The following SEC23IP variants were observed in gnomAD, a reference collection of about 807,000 sequenced individuals.
SEC23IP encodes the protein SEC23-interacting protein.
A neutral mutation model predicts 113.4 loss-of-function variants in SEC23IP; 70 were observed. The ratio of observed to expected loss-of-function variants is 0.62; its 90% CI spans 0.51 to 0.75. SEC23IP has a LOEUF of 0.75. SEC23IP is among the 30% of genes least tolerant of loss of function. SEC23IP has a pLI of 0.00. For missense variants in SEC23IP, 1,160 were observed against 1,204.9 expected (o/e 0.96, Z 0.55); for synonymous variants, 398 against 421.0 (o/e 0.95, Z 0.67).
At position 119,915,828 on chromosome 10, in the gene SEC23IP, G is replaced by A; in HGVS notation, c.1483G>A (p.Val495Met). 6.2e-7 allele frequency: 1 copy of A among 1,604,126 alleles called. No individual in the cohort carries two copies. Among genetic ancestry groups the A allele is most frequent in the South Asian group, 1.1e-5 (1 of 88,760 alleles). The change falls in exon 8 of 19, where the codon GTG (valine) becomes ATG (methionine). Residue 495 changes from valine (V) to methionine (M), a missense_variant. Coordinates refer to ENST00000369075, the MANE Select transcript of SEC23IP (RefSeq NM_007190.4). ...TTTAGATGACGGGAAAGTAAGCAGA[G>A]TGGAGTTCCTTCCAGTTCATTGGCA... ...KSLDDGKVSR[V>M]EFLPVHWHSS...
intron 17 of SEC23IP, 123 bp downstream of exon 17, chr10:119,933,290 A>T: frequency 1.2e-6 from 1 of 844,634 alleles, no homozygotes; most frequent in Non-Finnish European, 1.9e-6. Flanking sequence ...TTGAATTACT[A>T]TATGTTCAGA....
chr10:119,912,249 G>A, intron 6 of SEC23IP, 85 bp downstream of exon 6: 1 of 1,406,072 alleles, frequency 7.1e-7, no homozygotes, highest in Non-Finnish European at 9.7e-7. Flanking sequence ...GAAATAAACA[G>A]TTATTAGAAT....
intron 4 of SEC23IP, among the ~76,000 whole-genome samples, chr10:119,907,844 C>T (rs1050616720): frequency 3.9e-5 from 6 of 152,012 alleles, no homozygotes; most frequent in Admixed American, 2.0e-4. Context: ...GCCAGTTACT[C>T]GGGAGGCTGA....
chr10:119,898,855 C>T lies in SEC23IP; in HGVS notation c.592C>T (p.Pro198Ser), dbSNP rs201822611. ...CAGCAGGGCTAATCCTTACATTGCA[C>T]CACCCCAGCTGCAGCAGTGCCAAAC... ...GSSRANPYIA[P>S]PQLQQCQTPG... Residue 198 changes from proline (P) to serine (S), a missense_variant, in exon 2 of 19, where the codon CCA (proline) becomes TCA (serine). Coordinates refer to ENST00000369075, the MANE Select transcript of SEC23IP (RefSeq NM_007190.4). 3.1e-6 allele frequency: 5 copies of T among 1,611,998 alleles called. No individual in the cohort carries two copies. In the South Asian group the frequency reaches 5.5e-5, roughly 18 times the overall value.
rs1589857933 is a variant in SEC23IP at position 119,942,418 on chromosome 10, A to T, written c.*1853A>T. ...AAACCAAAAAACAGTAGATCCCCTG[A>T]GGGTAGAGTCTTTATGTATGAACAT... On this transcript the variant is annotated 3_prime_UTR_variant, in exon 19 of 19. Coordinates refer to ENST00000369075, the MANE Select transcript of SEC23IP (RefSeq NM_007190.4). The T allele has an allele frequency of 6.6e-6, 1 of 152,276 alleles. No individual in the cohort carries two copies. Among genetic ancestry groups the T allele is most frequent in the East Asian group, 1.9e-4 (1 of 5,184 alleles). 9.4% of individuals were successfully genotyped at this position (152,276 alleles called of 1,614,324 possible).
At chr10:119,930,276 A>G in intron 14 of SEC23IP, 53 bp from the exon 15 acceptor site, 1 of 1,161,274 alleles carries the variant, frequency 8.6e-7, no homozygotes, top group South Asian at 1.5e-5. Flanking sequence ...CATATAACTC[A>G]AAACAGCTTT....
chr10:119,922,460 C>T lies in SEC23IP; in HGVS notation c.2121+1476C>T, dbSNP rs182159718. Among the ~76,000 whole-genome samples, 41 of 152,274 alleles carry T rather than the reference C, an allele frequency of 2.7e-4. No individual in the cohort carries two copies. In the East Asian group the frequency reaches 7.9e-3, roughly 29 times the overall value. On this transcript the variant is annotated intron_variant, in intron 12 of 18. Transcript: ENST00000369075. ...CAAAATGCTGACCTGCTTATTCTAT[C>T]ACAAGTTATGATTTAGCACCAAATC...
In SEC23IP at chr10:119,931,604, G is replaced by A. The variant is rs186434687; in HGVS notation, c.2573-529G>A. On this transcript the variant is annotated intron_variant, in intron 15 of 18. Coordinates refer to ENST00000369075, the MANE Select transcript of SEC23IP (RefSeq NM_007190.4). ...GTCTTGCTCTGTTGCCCAGGCTGGA[G>A]TGCAGTGGCACAATCTTGGCTCACT... Among the ~76,000 whole-genome samples, 394 of 150,758 alleles carry A rather than the reference G, an allele frequency of 2.6e-3. 4 individuals are homozygous for A. The highest frequency in any genetic ancestry group is 9.4e-3 in the African/African-American group (386 of 40,966).
intron 12 of SEC23IP, among the ~76,000 whole-genome samples, chr10:119,923,617 C>A (rs554642141): frequency 6.6e-6 from 1 of 150,840 alleles, no homozygotes; most frequent in South Asian, 2.1e-4. Flanking sequence ...GGCACGATCT[C>A]GGCTCACTGC....
chr10:119,932,698 A>T (rs188120578), intron 16 of SEC23IP, among the ~76,000 whole-genome samples: 1 of 152,314 alleles, frequency 6.6e-6, no homozygotes, highest in African/African-American at 2.4e-5. Flanking sequence ...TTGACATGCA[A>T]TGTGAAGGTC....
intron 12 of SEC23IP, among the ~76,000 whole-genome samples, chr10:119,925,528 T>C (rs529084455): frequency 6.6e-6 from 1 of 152,334 alleles, no homozygotes; most frequent in Non-Finnish European, 1.5e-5. Context: ...AAAAAGGACA[T>C]GTAAACATTT....
rs921599787 is a variant in SEC23IP at position 119,900,297 on chromosome 10, G to A, written c.696+1338G>A. ...TGTGTGTGTATGTGTGTGTGTGTGT[G>A]TATATATATATATATAAAATTTTTT... is the stretch of plus-strand genomic sequence containing the variant. On this transcript the variant is annotated intron_variant, in intron 2 of 18. Transcript: ENST00000369075. 8.0e-5 allele frequency among the ~76,000 whole-genome samples: 12 copies of A among 149,420 alleles called. No individual in the cohort carries two copies. The South Asian group carries it at 1.5e-3, about 18-fold the overall frequency.
At chr10:119,908,895 A>C (rs1162965173) in intron 4 of SEC23IP, 146 bp from the exon 5 acceptor site, 1 of 599,374 alleles carries the variant, frequency 1.7e-6, no homozygotes, top group African/African-American at 1.9e-5. Context: ...GTGTAAGGTG[A>C]TAAAAAATAT....
intron 12 of SEC23IP, among the ~76,000 whole-genome samples, chr10:119,923,642 A>G (rs907207393): frequency 1.3e-5 from 2 of 150,536 alleles, no homozygotes; most frequent in Non-Finnish European, 3.0e-5. Flanking sequence ...TCTGCCTCCC[A>G]GGTTCAAGCC....
At chr10:119,912,843 G>T (rs537713774) in intron 6 of SEC23IP, among the ~76,000 whole-genome samples, 1 of 152,044 alleles carries the variant, frequency 6.6e-6, no homozygotes, top group South Asian at 2.1e-4. Context: ...GTTTCACCAC[G>T]TTGGCCAGGC....
chr10:119,941,438 GCTT>G lies in SEC23IP; in HGVS notation c.*876_*878del, dbSNP rs930653383. On this transcript the variant is annotated 3_prime_UTR_variant, in exon 19 of 19. Coordinates refer to ENST00000369075, the MANE Select transcript of SEC23IP (RefSeq NM_007190.4). ...AGTGTTTGAAAGTATGAAATGTGTT[GCTT>G]CTGAGTTATATAAGGCTACTTCATG... The G allele has an allele frequency of 6.6e-6, 1 of 152,144 alleles. No homozygotes were observed. Among genetic ancestry groups the G allele is most frequent in the Non-Finnish European group, 1.5e-5 (1 of 68,016 alleles). The allele number at this position is 152,144 out of a possible 1,614,324, so 9.4% of individuals were successfully genotyped here. A position where few individuals can be genotyped will look rare whatever the true frequency, so the allele number is the denominator to read the frequency against.
intron 2 of SEC23IP, among the ~76,000 whole-genome samples, chr10:119,902,533 G>A (rs932572491): frequency 6.9e-6 from 1 of 145,190 alleles, no homozygotes; most frequent in African/African-American, 2.6e-5. Flanking sequence ...GGTTACATGA[G>A]ATATTTTGAT....
intron 18 of SEC23IP, among the ~76,000 whole-genome samples, chr10:119,934,993 C>T (rs1855725735): frequency 6.6e-6 from 1 of 151,960 alleles, no homozygotes. Flanking sequence ...AAAAATTAGT[C>T]GGGTGTGGTG....
At chr10:119,924,668 C>G (rs1041164005) in intron 12 of SEC23IP, among the ~76,000 whole-genome samples, 4 of 152,142 alleles carry the variant, frequency 2.6e-5, no homozygotes, top group Non-Finnish European at 4.4e-5. Flanking sequence ...CCGCCTCGGC[C>G]TCCCAAAGTG....
Sources: gnomAD v4.1 joint callset for allele counts (sites outside exome capture counted in the v4.1 genomes callset) on GRCh38, gnomAD v4.1.1 for gene constraint, MANE v1.5 for transcripts, NCBI Gene and HGNC (gene_info 2026-07-23, HGNC 2026-07-21) for gene names.